The following CA8 variants were observed in gnomAD, a reference collection of about 807,000 sequenced individuals.
CA8 encodes carbonic anhydrase-related protein.
Under a neutral mutation model 41.4 loss-of-function variants are expected in CA8, and 22 were observed. The observed-to-expected ratio is 0.53, with a 90% confidence interval of 0.38 to 0.76. The LOEUF (loss-of-function observed/expected upper bound fraction) is 0.76. CA8 is among the 30% of genes least tolerant of loss of function. The pLI, the probability that CA8 is intolerant of heterozygous loss-of-function variation, is 0.00. For synonymous variants in CA8, 121 were observed against 130.6 expected (o/e 0.93, Z 0.50); for missense variants, 270 against 352.8 (o/e 0.77, Z 1.88).
chr8:60,193,810 T>C (rs1180474284), intron 8 of CA8, among the ~76,000 whole-genome samples: 2 of 152,194 alleles, frequency 1.3e-5, no homozygotes, highest in African/African-American at 4.8e-5. Flanking sequence ...CAGTGGATTC[T>C]TTCCATTTGT....
chr8:60,242,347 G>A (rs113927211), intron 3 of CA8, among the ~76,000 whole-genome samples: 3 of 152,248 alleles, frequency 2.0e-5, no homozygotes, highest in African/African-American at 7.2e-5. Flanking sequence ...TTAACAAGAA[G>A]GAAATGGAGG....
chr8:60,210,796 C>T (rs1342873786), intron 7 of CA8, among the ~76,000 whole-genome samples: 1 of 152,172 alleles, frequency 6.6e-6, no homozygotes, highest in Non-Finnish European at 1.5e-5. Flanking sequence ...GATAAGCAAT[C>T]AGCTGTTTAA....
At chr8:60,201,124 G>A (rs1400605377) in intron 8 of CA8, among the ~76,000 whole-genome samples, 5 of 152,160 alleles carry the variant, frequency 3.3e-5, no homozygotes, top group East Asian at 1.9e-4. Context: ...TGTCATGCAC[G>A]GCTCACGTTT....
chr8:60,237,136 T>C (rs1268632144), intron 3 of CA8, among the ~76,000 whole-genome samples: 3 of 152,228 alleles, frequency 2.0e-5, no homozygotes, highest in Admixed American at 2.0e-4. Flanking sequence ...ATAAAAGACC[T>C]CTGCTAGGAA....
Position 60,187,919 on chromosome 8 carries a change from T to C in CA8, c.*2102A>G, listed in dbSNP as rs1806007967. The C allele has an allele frequency of 6.6e-6, 1 of 152,200 alleles. No homozygotes were observed. The highest frequency in any genetic ancestry group is 1.5e-5 in the Non-Finnish European group (1 of 68,028). 9.4% of individuals were successfully genotyped at this position (152,200 alleles called of 1,614,324 possible). A position where few individuals can be genotyped will look rare whatever the true frequency, so the allele number is the denominator to read the frequency against. ...TCACACCATCAAAACAGATTTGAGA[T>C]TAGTTGTTGTGCTTTCGTTTACTGA... On this transcript the variant is annotated 3_prime_UTR_variant, in exon 9 of 9. Coordinates refer to ENST00000317995, the MANE Select transcript of CA8 (RefSeq NM_004056.6).
intron 8 of CA8, among the ~76,000 whole-genome samples, chr8:60,197,987 T>C (rs1403380134): frequency 6.6e-6 from 1 of 152,188 alleles, no homozygotes; most frequent in Admixed American, 6.5e-5. Context: ...GCAAATATGT[T>C]ATGAAAAAAT....
chr8:60,228,982 A>G (rs904275856), intron 4 of CA8, among the ~76,000 whole-genome samples: 3 of 152,176 alleles, frequency 2.0e-5, no homozygotes, highest in African/African-American at 7.2e-5. Flanking sequence ...TCCACACCCC[A>G]GCTGCTAAAA....
chr8:60,220,180 A>G (rs1172660136), intron 7 of CA8, among the ~76,000 whole-genome samples: 1 of 152,192 alleles, frequency 6.6e-6, no homozygotes, highest in Non-Finnish European at 1.5e-5. Context: ...AAAGAAAAGA[A>G]GGCGTTCATC....
intron 2 of CA8, among the ~76,000 whole-genome samples, chr8:60,272,972 C>T (rs1402827333): frequency 6.6e-6 from 1 of 152,210 alleles, no homozygotes; most frequent in African/African-American, 2.4e-5. Context: ...CCTGCAGTCC[C>T]CACCAGCCCC....
At position 60,281,382 on chromosome 8, in the gene CA8, G is replaced by T. The variant is rs909808038; in HGVS notation, c.-235C>A. The T allele has an allele frequency of 3.6e-6, 2 of 549,928 alleles. No homozygotes were observed. The highest frequency in any genetic ancestry group is 6.5e-6 in the Non-Finnish European group (2 of 308,118). 34.1% of individuals were successfully genotyped at this position (549,928 alleles called of 1,614,324 possible). A position where few individuals can be genotyped will look rare whatever the true frequency, so the allele number is the denominator to read the frequency against. On this transcript the variant is annotated 5_prime_UTR_variant, in exon 1 of 9. Transcript: ENST00000317995. ...GCGCGTCCGGAGGCCCCAGCAGAGC[G>T]AGGGAGCGGCTGTGGCCTGGGGAGC...
chr8:60,229,504 G>C (rs1438302028), intron 4 of CA8, among the ~76,000 whole-genome samples: 1 of 152,024 alleles, frequency 6.6e-6, no homozygotes, highest in Non-Finnish European at 1.5e-5. Flanking sequence ...TCTCTCCCAG[G>C]CATCACCTCC....
At chr8:60,214,971 A>G (rs563656776) in intron 7 of CA8, among the ~76,000 whole-genome samples, 6 of 152,318 alleles carry the variant, frequency 3.9e-5, no homozygotes, top group African/African-American at 9.6e-5. Context: ...TAAGAAATAG[A>G]TAAGTAGGGA....
rs138303252 is a variant in CA8 at position 60,208,977 on chromosome 8, G to A, written c.739-58C>T. On this transcript the variant is annotated intron_variant, in intron 7 of 8. Transcript: ENST00000317995. ...CAATTATCGGACATTAACAAGATTG[G>A]AGTTTCATAAATGACATGCATAAAA... 3.0e-4 allele frequency: 469 copies of A among 1,557,192 alleles called. 2 individuals carry two copies. In the African/African-American group the frequency reaches 5.8e-3, roughly 19 times the overall value.
At chr8:60,213,009 A>G (rs189053602) in intron 7 of CA8, among the ~76,000 whole-genome samples, 3 of 152,358 alleles carry the variant, frequency 2.0e-5, no homozygotes, top group African/African-American at 7.2e-5. Flanking sequence ...AACAGTCCAT[A>G]TATGTATACA....
intron 8 of CA8, 26 bp from the exon 9 acceptor site, chr8:60,190,011 G>C (rs1411560844): frequency 1.4e-5 from 2 of 147,510 alleles, no homozygotes; most frequent in Admixed American, 1.3e-4. Flanking sequence ...AAAAAAAAAT[G>C]AATCAATTAT....
intron 3 of CA8, among the ~76,000 whole-genome samples, chr8:60,256,185 C>T (rs1459205080): frequency 6.6e-6 from 1 of 152,168 alleles, no homozygotes; most frequent in Non-Finnish European, 1.5e-5. Context: ...GCTAGGATTA[C>T]AGGCATGAGC....
intron 3 of CA8, among the ~76,000 whole-genome samples, chr8:60,264,455 T>G (rs1472304460): frequency 6.6e-6 from 1 of 152,230 alleles, no homozygotes; most frequent in Non-Finnish European, 1.5e-5. Context: ...GTTAACTGTC[T>G]TGGATTATTT....
chr8:60,232,926 A>T (rs1429325467), intron 3 of CA8, among the ~76,000 whole-genome samples: 3 of 152,208 alleles, frequency 2.0e-5, no homozygotes, highest in Non-Finnish European at 4.4e-5. Flanking sequence ...TGCTGATGTA[A>T]ATCTCTAAAA....
chr8:60,245,733 C>T (rs1372787186), intron 3 of CA8, among the ~76,000 whole-genome samples: 1 of 152,128 alleles, frequency 6.6e-6, no homozygotes, highest in African/African-American at 2.4e-5. Context: ...TGAGGTGGAA[C>T]TTGTACCAAA....
Sources: gnomAD v4.1 joint callset for allele counts (sites outside exome capture counted in the v4.1 genomes callset) on GRCh38, gnomAD v4.1.1 for gene constraint, MANE v1.5 for transcripts, NCBI Gene and HGNC (gene_info 2026-07-23, HGNC 2026-07-21) for gene names.